The following NDUFB9 variants were observed in gnomAD, a reference collection of about 807,000 sequenced individuals.
NDUFB9 encodes the protein NADH:ubiquinone oxidoreductase subunit B9, also known as NADH dehydrogenase [ubiquinone] 1 beta subcomplex subunit 9.
In NDUFB9, 24 loss-of-function variants were observed where a neutral mutation model predicts 30.2. That is an observed-to-expected ratio of 0.80 (90% CI 0.58 to 1.12). The LOEUF (loss-of-function observed/expected upper bound fraction) is 1.12, where lower values mean the gene tolerates loss of function less well. Among genes scored for constraint, NDUFB9 ranks in the 50% most tolerant of loss-of-function variants. The pLI, the probability that NDUFB9 is intolerant of heterozygous loss-of-function variation, is 0.00. For synonymous variants in NDUFB9, 80 were observed against 84.0 expected, an observed-to-expected ratio of 0.95 and a Z score of 0.26; for missense variants, 204 against 226.0, an observed-to-expected ratio of 0.90 and a Z score of 0.62.
chr8:124,546,138 G>C (rs1350806318), intron 2 of NDUFB9, among the ~76,000 whole-genome samples: 1 of 152,150 alleles, frequency 6.6e-6, no homozygotes, highest in Non-Finnish European at 1.5e-5. Context: ...CACTGCACCT[G>C]GCCTAAATTA....
intron 1 of NDUFB9, among the ~76,000 whole-genome samples, chr8:124,540,611 A>G (rs771373536): frequency 1.3e-5 from 2 of 152,270 alleles, no homozygotes; most frequent in Non-Finnish European, 2.9e-5. Context: ...ATACTGAACT[A>G]TAGCTGGGAA....
At chr8:124,542,589 TAA>T (rs1278136872) in intron 1 of NDUFB9, among the ~76,000 whole-genome samples, 1 of 152,218 alleles carries the variant, frequency 6.6e-6, no homozygotes, top group Non-Finnish European at 1.5e-5. Context: ...TTAACTTGCC[TAA>T]GTTTATGCAG....
intron 1 of NDUFB9, chr8:124,539,536 GC>G: frequency 1.9e-6 from 1 of 528,240 alleles, no homozygotes. Context: ...CGCACGACCA[GC>G]GCAGAGGGTC....
intron 2 of NDUFB9, 34 bp from the exon 3 acceptor site, chr8:124,546,966 T>C (rs772645014): frequency 2.1e-6 from 3 of 1,461,670 alleles, no homozygotes; most frequent in South Asian, 2.3e-5. Context: ...AAATGTGTCC[T>C]GTGGATTGAT....
chr8:124,545,330 G>A (rs1822127671), intron 2 of NDUFB9, among the ~76,000 whole-genome samples: 1 of 152,158 alleles, frequency 6.6e-6, no homozygotes, highest in African/African-American at 2.4e-5. Context: ...ACATGCTATA[G>A]AAGTGTTTGG....
Position 124,546,626 on chromosome 8 carries a change from T to A in NDUFB9, c.295-374T>A, listed in dbSNP as rs137984933. Reference sequence around the variant, plus strand: ...CAGTATACTTTTTGCTATAACAAAGTTCATTTTGGACTTTAAAGTTAACCA... The same window carrying A: ...CAGTATACTTTTTGCTATAACAAAGATCATTTTGGACTTTAAAGTTAACCA... On this transcript the variant is annotated intron_variant, in intron 2 of 3. Transcript: ENST00000276689. The A allele has an allele frequency of 1.6e-3, 455 of 287,794 alleles. 2 individuals carry two copies. The highest frequency in any genetic ancestry group is 9.1e-3 in the African/African-American group (420 of 45,974). 17.8% of individuals were successfully genotyped at this position (287,794 alleles called of 1,614,324 possible). A position where few individuals can be genotyped will look rare whatever the true frequency, so the allele number is the denominator to read the frequency against.
chr8:124,548,965 G>A (rs1347085921), intron 3 of NDUFB9, among the ~76,000 whole-genome samples: 1 of 152,218 alleles, frequency 6.6e-6, no homozygotes, highest in Non-Finnish European at 1.5e-5. Flanking sequence ...AGGGGGACCC[G>A]AAGGAAGGGC....
chr8:124,544,627 T>C (rs1822110699), intron 2 of NDUFB9, among the ~76,000 whole-genome samples: 1 of 152,200 alleles, frequency 6.6e-6, no homozygotes. Flanking sequence ...ACTCTGCCTG[T>C]GCCCTAGAAA....
intron 3 of NDUFB9, among the ~76,000 whole-genome samples, 178 bp from the exon 4 acceptor site, chr8:124,549,583 A>G (rs1715284209): frequency 6.6e-6 from 1 of 152,218 alleles, no homozygotes; most frequent in South Asian, 2.1e-4. Context: ...CTTTTCTAAA[A>G]GTGTGGATAT....
At chr8:124,542,435 A>G (rs999975643) in intron 1 of NDUFB9, among the ~76,000 whole-genome samples, 3 of 152,178 alleles carry the variant, frequency 2.0e-5, no homozygotes, top group South Asian at 2.1e-4. Context: ...TGGAGAGCCT[A>G]TTCTCATAAC....
Position 124,546,937 on chromosome 8 carries a change from G to C in NDUFB9, c.295-63G>C, listed in dbSNP as rs367993450. 4 of 1,091,724 alleles carry C rather than the reference G, an allele frequency of 3.7e-6. No homozygotes were observed. In the East Asian group the frequency reaches 7.1e-5, roughly 19 times the overall value. The allele number at this position is 1,091,724 out of a possible 1,614,324, so 67.6% of individuals were successfully genotyped here. On this transcript the variant is annotated intron_variant, in intron 2 of 3. Coordinates refer to ENST00000276689, the MANE Select transcript of NDUFB9 (RefSeq NM_005005.3). ...ATCTTTGTCTTACATCTCCTGAGCA[G>C]GCCCTGTCAGGGATAGGTAAATGTG...
intron 1 of NDUFB9, among the ~76,000 whole-genome samples, chr8:124,540,062 C>G (rs1563704352): frequency 6.6e-6 from 1 of 152,182 alleles, no homozygotes; most frequent in East Asian, 1.9e-4. Flanking sequence ...TTACGACTCT[C>G]CAAACGTAGT....
chr8:124,549,079 G>A (rs1822253480), intron 3 of NDUFB9, among the ~76,000 whole-genome samples: 1 of 152,152 alleles, frequency 6.6e-6, no homozygotes, highest in South Asian at 2.1e-4. Context: ...TTGATCACTG[G>A]GATAACATCA....
chr8:124,543,327 C>T, intron 2 of NDUFB9, 48 bp downstream of exon 2: 4 of 1,572,300 alleles, frequency 2.5e-6, no homozygotes, highest in Non-Finnish European at 3.5e-6. Context: ...GACTTTGTTT[C>T]TTCAGTCCCA....
At chr8:124,546,947 G>A in intron 2 of NDUFB9, 53 bp from the exon 3 acceptor site, 1 of 1,272,010 alleles carries the variant, frequency 7.9e-7, no homozygotes, top group Non-Finnish European at 1.1e-6. Flanking sequence ...GGCCCTGTCA[G>A]GGATAGGTAA....
chr8:124,543,738 G>C (rs184411037), intron 2 of NDUFB9, among the ~76,000 whole-genome samples: 3 of 152,266 alleles, frequency 2.0e-5, no homozygotes, highest in East Asian at 3.9e-4. Flanking sequence ...TGTGCTGACT[G>C]TTTCACCGAC....
rs534646199 is a variant in NDUFB9, at chr8:124,539,156, C to T, written c.-31C>T. 40 of 1,613,410 alleles carry T rather than the reference C, an allele frequency of 2.5e-5. No individual in the cohort carries two copies. In the East Asian group the frequency reaches 7.6e-4, roughly 31 times the overall value. The stretch of plus-strand genomic sequence containing the variant: ...GCAGCAGGCGTGCAGTTTCCCGGCT[C>T]TCCGCGCGGCCGGGGAAGGTCAGCG... On this transcript the variant is annotated 5_prime_UTR_variant, in exon 1 of 4. Transcript: ENST00000276689.
In NDUFB9 at chr8:124,547,043, C is replaced by G. The variant is rs1822179228; in HGVS notation, c.338C>G (p.Ala113Gly). The G allele has an allele frequency of 1.2e-6, 2 of 1,613,020 alleles. No homozygotes were observed. Among genetic ancestry groups the G allele is most frequent in the Non-Finnish European group, 1.7e-6 (2 of 1,180,018 alleles). ...GATGACTGGCATCCTTCTGAGAAGGCAATGTATCCTGATTACTTTGCCAAG... is the reference window on the plus strand; with the variant it reads ...GATGACTGGCATCCTTCTGAGAAGGGAATGTATCCTGATTACTTTGCCAAG... ...CLDDWHPSEK[A>G]MYPDYFAKRE... Residue 113 changes from alanine to glycine, a missense_variant, in exon 3 of 4, where the codon GCA becomes GGA. Transcript: ENST00000276689.
At chr8:124,539,442 T>G (rs574495166) in intron 1 of NDUFB9, 155 bp downstream of exon 1, 72 of 702,564 alleles carry the variant, frequency 1.0e-4, no homozygotes, top group Non-Finnish European at 1.7e-4. Flanking sequence ...CGGGTTCAAA[T>G]CCAGGCTTCG....
Sources: gnomAD v4.1 joint callset for allele counts (sites outside exome capture counted in the v4.1 genomes callset) on GRCh38, gnomAD v4.1.1 for gene constraint, MANE v1.5 for transcripts, NCBI Gene and HGNC (gene_info 2026-07-23, HGNC 2026-07-21) for gene names.